USP4: variants seen among roughly 807,000 people sequenced by gnomAD.
USP4 encodes the protein ubiquitin carboxyl-terminal hydrolase 4.
Under a neutral mutation model 118.2 loss-of-function variants are expected in USP4, and 72 were observed. The observed-to-expected ratio is 0.61, with a 90% CI of 0.50 to 0.74. The LOEUF (loss-of-function observed/expected upper bound fraction) is 0.74, where lower values mean the gene tolerates loss of function less well. Among genes scored for constraint, USP4 ranks in the 30% least tolerant of loss-of-function variants. The pLI is 0.00. For synonymous variants in USP4, 415 were observed against 440.4 expected (o/e 0.94, Z 0.72); for missense variants, 1,037 against 1,185.7 (o/e 0.87, Z 1.84).
intron 7 of USP4, 35 bp downstream of exon 7, chr3:49,311,479 G>T: frequency 6.2e-7 from 1 of 1,607,092 alleles, no homozygotes; most frequent in South Asian, 1.1e-5. Context: ...AAAGGACCAC[G>T]GGAAAGGAAG....
At chr3:49,297,779 C>A in intron 13 of USP4, 91 bp downstream of exon 13, 1 of 1,072,962 alleles carries the variant, frequency 9.3e-7, no homozygotes, top group South Asian at 1.3e-5. Flanking sequence ...GCAATGACTG[C>A]CCACATTTTT....
intron 6 of USP4, among the ~76,000 whole-genome samples, chr3:49,313,106 T>G (rs2047403734): frequency 6.6e-6 from 1 of 152,014 alleles, no homozygotes; most frequent in African/African-American, 2.4e-5. Context: ...TTGGCCAGAA[T>G]GGTCTCAAGC....
chr3:49,308,562 G>T (rs967119658), intron 8 of USP4, among the ~76,000 whole-genome samples: 1 of 151,678 alleles, frequency 6.6e-6, no homozygotes, highest in Admixed American at 6.6e-5. Flanking sequence ...CTCATGATCC[G>T]CCCGCCTTGG....
rs769627291 is a variant in USP4 at position 49,324,774 on chromosome 3, G to C, written c.634-11C>G. On this transcript the variant is annotated splice_polypyrimidine_tract_variant and intron_variant, in intron 5 of 21. Coordinates refer to ENST00000265560, the MANE Select transcript of USP4 (RefSeq NM_003363.4). ...CTCAATTACTAGCACCTGAGTGAAA[G>C]GGGAAACCAAATGAGGAGAGTTCAA... The C allele has an allele frequency of 1.6e-5, 26 of 1,613,992 alleles. No homozygotes were observed. The highest frequency in any genetic ancestry group is 2.1e-5 in the Non-Finnish European group (25 of 1,179,994).
intron 2 of USP4, among the ~76,000 whole-genome samples, chr3:49,333,060 A>T (rs549610416): frequency 6.6e-5 from 10 of 151,930 alleles, no homozygotes; most frequent in Non-Finnish European, 1.5e-4. Context: ...CTCAAAAAAA[A>T]AAATAAATGA....
At chr3:49,295,695 CACGTGTGCGCGCG>C (rs2047197867) in intron 13 of USP4, among the ~76,000 whole-genome samples, 2 of 149,354 alleles carry the variant, frequency 1.3e-5, no homozygotes, top group Admixed American at 1.3e-4. Context: ...TAAACATATG[CACGTGTGCGCGCG>C]CGCGCGCACA....
At chr3:49,324,462 T>C (rs1559478664) in intron 6 of USP4, among the ~76,000 whole-genome samples, 1 of 152,198 alleles carries the variant, frequency 6.6e-6, no homozygotes, top group East Asian at 1.9e-4. Flanking sequence ...CCTTCCTCCT[T>C]TTCTCATTCT....
chr3:49,282,277 G>T (rs1377568735), intron 19 of USP4, among the ~76,000 whole-genome samples: 1 of 151,912 alleles, frequency 6.6e-6, no homozygotes, highest in Admixed American at 6.6e-5. Context: ...AAAAGATAAA[G>T]AATTTTTTTT....
chr3:49,315,219 G>A (rs980011193), intron 6 of USP4, among the ~76,000 whole-genome samples: 6 of 152,052 alleles, frequency 3.9e-5, no homozygotes, highest in East Asian at 1.9e-4. Context: ...ATAGCAGCAC[G>A]TGCCTGCAGT....
At chr3:49,338,002 C>T (rs746283485) in intron 1 of USP4, among the ~76,000 whole-genome samples, 25 of 142,100 alleles carry the variant, frequency 1.8e-4, no homozygotes, top group Admixed American at 3.6e-4. Flanking sequence ...GCCGAGATCG[C>T]GCCACTGCAC....
At chr3:49,310,467 C>T (rs1196655755) in intron 8 of USP4, among the ~76,000 whole-genome samples, 153 bp downstream of exon 8, 1 of 152,122 alleles carries the variant, frequency 6.6e-6, no homozygotes, top group Non-Finnish European at 1.5e-5. Context: ...CATTCTATAC[C>T]ACCTAGTGGG....
At position 49,277,394 on chromosome 3, in the gene USP4, G is replaced by A. The variant is rs889166299; in HGVS notation, c.*899C>T. ...GAATGGGGGCCCCGGGAAGAGTCTTGGCAGGGATGAGGAAAGAACCCGTTC... is the reference window on the plus strand; with the variant it reads ...GAATGGGGGCCCCGGGAAGAGTCTTAGCAGGGATGAGGAAAGAACCCGTTC... On this transcript the variant is annotated 3_prime_UTR_variant, in exon 22 of 22. Transcript: ENST00000265560. 13 of 408,090 alleles carry A rather than the reference G, an allele frequency of 3.2e-5. No homozygotes were observed. In the Admixed American group the frequency reaches 5.0e-4, roughly 16 times the overall value. 25.3% of individuals were successfully genotyped at this position (408,090 alleles called of 1,614,324 possible). A position where few individuals can be genotyped will look rare whatever the true frequency, so the allele number is the denominator to read the frequency against.
Position 49,305,768 on chromosome 3 carries a change from T to C in USP4, c.1075A>G (p.Ile359Val). 1 of 1,613,666 alleles carries C rather than the reference T, an allele frequency of 6.2e-7. No homozygotes were observed. The highest frequency in any genetic ancestry group is 8.5e-7 in the Non-Finnish European group (1 of 1,179,822). ...GEIAEAYAELIKQMWSGRDAH... is the reference protein window; with the variant it reads ...GEIAEAYAELVKQMWSGRDAH... The stretch of plus-strand genomic sequence containing the variant: ...TCCCTTCCAGACCACATCTGCTTAA[T>C]GAGTTCAGCATAGGCTTCTGCAATT... The change falls in exon 9 of 22, where the codon ATT becomes GTT. Residue 359 changes from isoleucine (I) to valine (V), a missense_variant. Ile to Val is a conservative substitution (Grantham distance 29). Transcript: ENST00000265560.
At position 49,298,618 on chromosome 3, in the gene USP4, C is replaced by T. The variant is rs143507198; in HGVS notation, c.1530G>A (p.Pro510=). The change falls in exon 12 of 22, where the codon CCG becomes CCA. Residue 510 remains proline (P), a synonymous_variant. Transcript: ENST00000265560. The part of the protein sequence containing the change: ...CRPTQYRVTV[P]LMGAVSDLCE... ...ACAGGTCGGACACAGCCCCCATCAG[C>T]GGCACAGTCACACGGTACTGCAAGA... 8.7e-6 allele frequency: 14 copies of T among 1,614,010 alleles called. No individual in the cohort carries two copies. The highest frequency in any genetic ancestry group is 2.2e-5 in the East Asian group (1 of 44,890).
chr3:49,309,349 T>C (rs1335347543), intron 8 of USP4, among the ~76,000 whole-genome samples: 1 of 152,188 alleles, frequency 6.6e-6, no homozygotes, highest in African/African-American at 2.4e-5. Flanking sequence ...TTTAACTCCT[T>C]GCAGCCCATG....
At chr3:49,314,811 G>A (rs1247830978) in intron 6 of USP4, among the ~76,000 whole-genome samples, 2 of 152,054 alleles carry the variant, frequency 1.3e-5, no homozygotes, top group East Asian at 3.8e-4. Flanking sequence ...GACTGCTTGA[G>A]GCCAAGAGTT....
intron 10 of USP4, 60 bp from the exon 11 acceptor site, chr3:49,300,751 C>T (rs1354425037): frequency 1.3e-6 from 2 of 1,496,850 alleles, no homozygotes; most frequent in Non-Finnish European, 1.8e-6. Context: ...CCCCTGCATC[C>T]AGAATGACTC....
In USP4 at chr3:49,278,460, C is replaced by A; in HGVS notation, c.2734-9G>T. The A allele has an allele frequency of 6.2e-7, 1 of 1,612,458 alleles. No homozygotes were observed. Among genetic ancestry groups the A allele is most frequent in the Non-Finnish European group, 8.5e-7 (1 of 1,179,342 alleles). On this transcript the variant is annotated splice_polypyrimidine_tract_variant and intron_variant, in intron 21 of 21. Coordinates refer to ENST00000265560, the MANE Select transcript of USP4 (RefSeq NM_003363.4). ...ACATAAGCTGCTTTAGTCTGAAATA[C>A]AAGAGGGGGAAAGACCATTCAGTGC...
At chr3:49,291,536 T>C (rs2047150929) in intron 15 of USP4, among the ~76,000 whole-genome samples, 1 of 140,660 alleles carries the variant, frequency 7.1e-6, no homozygotes, top group African/African-American at 2.7e-5. Flanking sequence ...ATCGCGCCAC[T>C]GCGCTCCTGC....
Sources: allele counts gnomAD v4.1 joint callset (sites outside exome capture counted in the v4.1 genomes callset), GRCh38; gene constraint gnomAD v4.1.1; transcripts MANE v1.5; gene names NCBI Gene and HGNC (gene_info 2026-07-23, HGNC 2026-07-21).